The following KCNMA1 variants were observed in gnomAD, a reference collection of about 807,000 sequenced individuals.
KCNMA1 encodes Calcium-activated potassium channel subunit alpha-1.
A neutral mutation model predicts 140.0 loss-of-function variants in KCNMA1; 29 were observed. That is an observed-to-expected ratio of 0.21 (90% confidence interval 0.15 to 0.28). KCNMA1 has a LOEUF of 0.28. KCNMA1 is among the 10% of genes least tolerant of loss of function. The pLI is 1.00. For missense variants in KCNMA1, 880 were observed against 1,602.2 expected, an observed-to-expected ratio of 0.55 and a Z score of 7.70; for synonymous variants, 612 against 611.9, an observed-to-expected ratio of 1.00 and a Z score of 0.00.
chr10:77,565,976 C>A (rs1648552623), intron 1 of KCNMA1, among the ~76,000 whole-genome samples: 1 of 152,194 alleles, frequency 6.6e-6, no homozygotes, highest in Admixed American at 6.5e-5. Flanking sequence ...AATGCAAAGG[C>A]AGTTGCTGTG....
intron 1 of KCNMA1, among the ~76,000 whole-genome samples, chr10:77,430,280 T>C (rs1479602442): frequency 1.3e-5 from 2 of 152,154 alleles, no homozygotes; most frequent in South Asian, 4.1e-4. Context: ...AGATCTGACT[T>C]CTTCTTCCTC....
intron 5 of KCNMA1, among the ~76,000 whole-genome samples, chr10:77,147,501 T>A (rs2098327950): frequency 6.6e-6 from 1 of 150,974 alleles, no homozygotes; most frequent in Admixed American, 6.6e-5. Flanking sequence ...CATTCTTCCC[T>A]CATCCCTTTC....
At position 77,000,854 on chromosome 10, in the gene KCNMA1, G is replaced by GAAAAAAAAAAAAAAAAAAA. The variant is rs147198441; in HGVS notation, c.2266+552_2266+553insTTTTTTTTTTTTTTTTTTT. Among the ~76,000 whole-genome samples, 2 of 10,516 alleles carry GAAAAAAAAAAAAAAAAAAA rather than the reference G, an allele frequency of 1.9e-4. 1 individual carries two copies. The highest frequency in any genetic ancestry group is 3.9e-4 in the Non-Finnish European group (2 of 5,112). The allele number at this position is 10,516 out of a possible 152,430, so 6.9% of individuals were successfully genotyped here. On this transcript the variant is annotated intron_variant, in intron 19 of 27. Coordinates refer to ENST00000286628, the MANE Select transcript of KCNMA1 (RefSeq NM_001161352.2). ...ACAGGTTAGAGAGACATAGTAAAAA[G>GAAAAAAAAAAAAAAAAAAA]AAAATATATATATATATATATATAT... is the stretch of plus-strand genomic sequence containing the variant.
chr10:77,569,930 A>G (rs2070263146), intron 1 of KCNMA1, among the ~76,000 whole-genome samples: 1 of 152,214 alleles, frequency 6.6e-6, no homozygotes, highest in East Asian at 1.9e-4. Flanking sequence ...GGCAAAGGAC[A>G]TGAACAGACA....
At chr10:77,600,809 A>G (rs2082398562) in intron 1 of KCNMA1, among the ~76,000 whole-genome samples, 1 of 152,044 alleles carries the variant, frequency 6.6e-6, no homozygotes, top group Admixed American at 6.5e-5. Context: ...ACACATACAC[A>G]GACACACCTT....
chr10:77,332,053 G>A (rs1004653883), intron 2 of KCNMA1, among the ~76,000 whole-genome samples: 2 of 152,114 alleles, frequency 1.3e-5, no homozygotes. Flanking sequence ...AAAATGCAAT[G>A]AGGAACAAGA....
intron 1 of KCNMA1, among the ~76,000 whole-genome samples, chr10:77,555,214 G>A (rs771571342): frequency 1.3e-5 from 2 of 152,188 alleles, no homozygotes; most frequent in African/African-American, 2.4e-5. Context: ...ACTTCAGGGC[G>A]GGAGTCAGAC....
At chr10:77,576,405 C>G (rs148043241) in intron 1 of KCNMA1, among the ~76,000 whole-genome samples, 1 of 152,216 alleles carries the variant, frequency 6.6e-6, no homozygotes, top group African/African-American at 2.4e-5. Context: ...CCCTACGAAA[C>G]AATCCCCCAT....
chr10:77,470,402 G>C (rs1196260979), intron 1 of KCNMA1, among the ~76,000 whole-genome samples: 4 of 152,124 alleles, frequency 2.6e-5, no homozygotes, highest in Admixed American at 2.0e-4. Flanking sequence ...CTCAGACAGA[G>C]GGAGGGTAGG....
chr10:76,969,915 C>A, intron 20 of KCNMA1, 59 bp downstream of exon 20: 2 of 1,349,048 alleles, frequency 1.5e-6, no homozygotes, highest in South Asian at 1.2e-5. Context: ...GAGGAGAGGG[C>A]GAGGGGAGGA....
At chr10:77,427,308 G>A (rs1171260503) in intron 1 of KCNMA1, among the ~76,000 whole-genome samples, 1 of 152,236 alleles carries the variant, frequency 6.6e-6, no homozygotes, top group African/African-American at 2.4e-5. Context: ...GAAGAGGCTT[G>A]CTTTAGAGTA....
intron 14 of KCNMA1, among the ~76,000 whole-genome samples, chr10:77,039,963 G>C (rs915751829): frequency 7.9e-6 from 1 of 126,758 alleles, no homozygotes; most frequent in African/African-American, 3.0e-5. Context: ...GCTCACTGAA[G>C]CCTTGGACAC....
At position 76,945,015 on chromosome 10, in the gene KCNMA1, CAGAGAG is replaced by C. The variant is rs149631521; in HGVS notation, c.2710-56_2710-51del. On this transcript the variant is annotated intron_variant, in intron 22 of 27. Transcript: ENST00000286628. The stretch of plus-strand genomic sequence containing the variant: ...AAACAGAGATGGGGGGAGAAAGAGA[CAGAGAG>C]AGAGAGAGAGGAGCAAAAGTGAGAG... 5 of 1,416,288 alleles carry C rather than the reference CAGAGAG, an allele frequency of 3.5e-6. No individual in the cohort carries two copies. In the African/African-American group the frequency reaches 5.7e-5, roughly 16 times the overall value. 87.7% of individuals were successfully genotyped at this position (1,416,288 alleles called of 1,614,324 possible).
At chr10:77,218,075 C>T (rs772792999) in intron 3 of KCNMA1, among the ~76,000 whole-genome samples, 3 of 152,060 alleles carry the variant, frequency 2.0e-5, no homozygotes, top group Non-Finnish European at 4.4e-5. Context: ...AGATTATTTG[C>T]GTGGGTGGGG....
chr10:76,894,195 C>A (rs1030593433), intron 25 of KCNMA1, among the ~76,000 whole-genome samples: 4 of 152,164 alleles, frequency 2.6e-5, no homozygotes, highest in Non-Finnish European at 5.9e-5. Flanking sequence ...TATTAATTTT[C>A]AGTGAGTGTG....
At chr10:77,152,278 T>TTGTGTGTGTGTGTGTGTGGGTGTG (rs2098427153) in intron 5 of KCNMA1, among the ~76,000 whole-genome samples, 1 of 99,120 alleles carries the variant, frequency 1.0e-5, no homozygotes, top group South Asian at 4.0e-4. Flanking sequence ...TTTTTTGCTT[T>TTGTGTGTGTGTGTGTGTGGGTGTG]TGTGTGTGTG....
At chr10:77,127,818 C>CA (rs1266436355) in intron 5 of KCNMA1, among the ~76,000 whole-genome samples, 1 of 151,850 alleles carries the variant, frequency 6.6e-6, no homozygotes, top group Non-Finnish European at 1.5e-5. Flanking sequence ...ACCAAAAATA[C>CA]AAAAAATTAA....
At chr10:77,027,950 C>A (rs1565632990) in intron 15 of KCNMA1, 59 bp from the exon 16 acceptor site, 1 of 1,390,166 alleles carries the variant, frequency 7.2e-7, no homozygotes, top group Admixed American at 1.7e-5. Flanking sequence ...AGCCACATAA[C>A]ACACACTATT....
chr10:77,291,000 C>T (rs1051039796), intron 2 of KCNMA1, among the ~76,000 whole-genome samples: 3 of 152,112 alleles, frequency 2.0e-5, no homozygotes, highest in African/African-American at 7.2e-5. Flanking sequence ...TGACAAGATG[C>T]CTTTCACCTA....
Sources: allele counts gnomAD v4.1 joint callset (sites outside exome capture counted in the v4.1 genomes callset), GRCh38; gene constraint gnomAD v4.1.1; transcripts MANE v1.5; gene names NCBI Gene and HGNC (gene_info 2026-07-23, HGNC 2026-07-21).